The following TRIT1 variants were observed in gnomAD, a reference collection of about 807,000 sequenced individuals.
TRIT1 encodes the protein tRNA isopentenyltransferase 1.
TRIT1 carries 43 observed loss-of-function variants against 51.2 expected under a neutral mutation model. The observed-to-expected ratio is 0.84, with a 90% CI of 0.66 to 1.08. The LOEUF (loss-of-function observed/expected upper bound fraction) is 1.08, where lower values mean the gene tolerates loss of function less well. TRIT1 is among the 50% of genes least tolerant of loss of function. The pLI is 0.00. For missense variants in TRIT1, 528 were observed against 578.4 expected, an observed-to-expected ratio of 0.91 and a Z score of 0.89; for synonymous variants, 184 against 203.9, an observed-to-expected ratio of 0.90 and a Z score of 0.83.
intron 1 of TRIT1, among the ~76,000 whole-genome samples, chr1:39,868,400 T>G (rs1432300599): frequency 1.3e-5 from 2 of 152,050 alleles, no homozygotes; most frequent in Non-Finnish European, 2.9e-5. Context: ...CCCTGTACTT[T>G]GGGAGGCTGA....
chr1:39,877,650 G>T (rs1048599473), intron 1 of TRIT1, among the ~76,000 whole-genome samples: 6 of 152,118 alleles, frequency 3.9e-5, no homozygotes, highest in African/African-American at 1.4e-4. Context: ...AATTTTCTCA[G>T]TACAATGTTT....
At chr1:39,855,510 T>C (rs61779837) in intron 2 of TRIT1, among the ~76,000 whole-genome samples, 24,766 of 152,232 alleles carry the variant, frequency 0.16, 2,265 homozygotes, top group Non-Finnish European at 0.22. Context: ...TTATTTGCAT[T>C]ATACTTACTG....
intron 1 of TRIT1, among the ~76,000 whole-genome samples, chr1:39,870,513 T>TAAAAAAA (rs60334518): frequency 2.4e-3 from 188 of 78,736 alleles, no homozygotes; most frequent in East Asian, 3.4e-3. Flanking sequence ...CAATAAATAC[T>TAAAAAAA]AAAAAAAAAA....
rs1200767574 is a variant in TRIT1, at chr1:39,841,115, C to T, written c.*629G>A. ...ATAGATTTGTAACTCAATAGAAAGACAGCAGTGATAATAACTCACACATGA... is the reference window on the plus strand; with the variant it reads ...ATAGATTTGTAACTCAATAGAAAGATAGCAGTGATAATAACTCACACATGA... On this transcript the variant is annotated 3_prime_UTR_variant, in exon 11 of 11. Coordinates refer to ENST00000316891, the MANE Select transcript of TRIT1 (RefSeq NM_017646.6). The T allele has an allele frequency of 6.6e-6, 1 of 152,190 alleles. No homozygotes were observed. The highest frequency in any genetic ancestry group is 1.5e-5 in the Non-Finnish European group (1 of 68,034). The allele number at this position is 152,190 out of a possible 1,614,324, so 9.4% of individuals were successfully genotyped here.
intron 1 of TRIT1, among the ~76,000 whole-genome samples, chr1:39,859,173 T>C (rs557846835): frequency 7.0e-6 from 1 of 142,028 alleles, no homozygotes; most frequent in Non-Finnish European, 1.5e-5. Flanking sequence ...GGAGAATCGC[T>C]TGAACCCAGG....
chr1:39,877,517 T>G (rs2124686050), intron 1 of TRIT1, among the ~76,000 whole-genome samples: 1 of 152,248 alleles, frequency 6.6e-6, no homozygotes, highest in African/African-American at 2.4e-5. Context: ...CTTGAAAAAC[T>G]GAGGCATTAG....
In TRIT1 at chr1:39,852,732, T is replaced by C; in HGVS notation, c.559A>G (p.Arg187Gly). 1.2e-6 allele frequency: 2 copies of C among 1,613,604 alleles called. No individual in the cohort carries two copies. The highest frequency in any genetic ancestry group is 8.5e-7 in the Non-Finnish European group (1 of 1,179,778). The change falls in exon 4 of 11, where the codon AGG (arginine) becomes GGG (glycine). Residue 187 changes from arginine to glycine, a missense_variant and splice_region_variant. Physicochemically the swap from Arg to Gly is moderately radical, Grantham distance 125. Transcript: ENST00000316891. ...GGTCAGCGCGCCAGGCTTTCTTACC[T>C]GGCCACTTTGCGTTTGTCATGTGGA... is the stretch of plus-strand genomic sequence containing the variant. ...LHPHDKRKVARSLQVFEETGI... is the reference protein window; with the variant it reads ...LHPHDKRKVAGSLQVFEETGI...
intron 1 of TRIT1, among the ~76,000 whole-genome samples, chr1:39,863,805 G>T (rs1179053290): frequency 6.7e-6 from 1 of 149,472 alleles, no homozygotes; most frequent in Non-Finnish European, 1.5e-5. Flanking sequence ...AACAACAAAA[G>T]ATATGGAAAA....
chr1:39,881,467 A>G (rs1207930035), intron 1 of TRIT1: 7 of 151,994 alleles, frequency 4.6e-5, no homozygotes, highest in Non-Finnish European at 7.4e-5. Context: ...CTCACATTCC[A>G]TATCTGCAAT....
chr1:39,854,013 T>C lies in TRIT1; in HGVS notation c.371A>G (p.Tyr124Cys), dbSNP rs1389325740. ...KIPIVVGGTN[Y>C]YIESLLWKVL... ...TTTCCAGAGCAGAGATTCAATGTAATAATTGGTTCCTCCCACAACAATAGG... is the reference window on the plus strand; with the variant it reads ...TTTCCAGAGCAGAGATTCAATGTAACAATTGGTTCCTCCCACAACAATAGG... Residue 124 changes from tyrosine to cysteine, a missense_variant, in exon 3 of 11, where the codon TAT (tyrosine) becomes TGT (cysteine). By Grantham distance (194) the Tyr-to-Cys change is radical. Around this residue, in one of 3 missense-constraint regions of TRIT1, gnomAD observed 468 missense variants for 522.6 expected, o/e 0.90. Transcript: ENST00000316891. 5 of 1,613,532 alleles carry C rather than the reference T, an allele frequency of 3.1e-6. No homozygotes were observed. Among genetic ancestry groups the C allele is most frequent in the Non-Finnish European group, 4.2e-6 (5 of 1,179,880 alleles).
intron 2 of TRIT1, among the ~76,000 whole-genome samples, chr1:39,856,026 G>T (rs947456040): frequency 3.9e-5 from 6 of 151,982 alleles, no homozygotes; most frequent in Admixed American, 6.6e-5. Context: ...AAATAAAATA[G>T]CCGGGCATGG....
intron 1 of TRIT1, among the ~76,000 whole-genome samples, chr1:39,881,183 G>A (rs1354254626): frequency 3.4e-5 from 5 of 146,332 alleles, no homozygotes; most frequent in African/African-American, 1.0e-4. Context: ...CCAAGATCGC[G>A]CCACTGCACT....
At chr1:39,851,864 C>T (rs1371077197) in intron 4 of TRIT1, among the ~76,000 whole-genome samples, 2 of 151,168 alleles carry the variant, frequency 1.3e-5, no homozygotes, top group Admixed American at 6.6e-5. Flanking sequence ...AGGAGGACAT[C>T]TGAGCCCAGG....
At chr1:39,842,333 TG>T (rs1420610272) in intron 10 of TRIT1, among the ~76,000 whole-genome samples, 1 of 152,232 alleles carries the variant, frequency 6.6e-6, no homozygotes, top group Non-Finnish European at 1.5e-5. Flanking sequence ...CTCTGTAGTA[TG>T]GGGCTTCCTG....
At chr1:39,842,010 T>C in intron 10 of TRIT1, 97 bp from the exon 11 acceptor site, 1 of 1,317,832 alleles carries the variant, frequency 7.6e-7, no homozygotes, top group Non-Finnish European at 1.0e-6. Context: ...TACAATGCTT[T>C]TCTTCAACAA....
At chr1:39,864,171 C>A (rs1340011747) in intron 1 of TRIT1, among the ~76,000 whole-genome samples, 1 of 150,304 alleles carries the variant, frequency 6.7e-6, no homozygotes, top group Non-Finnish European at 1.5e-5. Context: ...CAGGTATGAG[C>A]CACTGCACCC....
Position 39,862,737 on chromosome 1 carries a change from G to A in TRIT1, c.175-5320C>T, listed in dbSNP as rs142973859. Reference sequence around the variant, plus strand: ...AATCAGGCTTATTATTTTATTACCAGCCTAGAAAACATTCACATGTGAGAT... The same window carrying A: ...AATCAGGCTTATTATTTTATTACCAACCTAGAAAACATTCACATGTGAGAT... On this transcript the variant is annotated intron_variant, in intron 1 of 10. Transcript: ENST00000316891. The A allele has an allele frequency of 2.4e-4, 240 of 980,796 alleles. 1 individual carries two copies. In the African/African-American group the frequency reaches 3.9e-3, roughly 16 times the overall value. The allele number at this position is 980,796 out of a possible 1,614,324, so 60.8% of individuals were successfully genotyped here. A position where few individuals can be genotyped will look rare whatever the true frequency, so the allele number is the denominator to read the frequency against.
intron 1 of TRIT1, among the ~76,000 whole-genome samples, chr1:39,863,345 G>A (rs1273810854): frequency 6.6e-6 from 1 of 152,026 alleles, no homozygotes; most frequent in African/African-American, 2.4e-5. Context: ...CGTGCCTCCC[G>A]GCTACTTGGG....
chr1:39,852,239 C>T (rs566727891), intron 4 of TRIT1, among the ~76,000 whole-genome samples: 10 of 152,224 alleles, frequency 6.6e-5, no homozygotes, highest in African/African-American at 2.4e-4. Flanking sequence ...CCTAAAAAAA[C>T]ATGACCTTGT....
Sources: gnomAD v4.1 joint callset for allele counts (sites outside exome capture counted in the v4.1 genomes callset) on GRCh38, gnomAD v4.1.1 for gene constraint, gnomAD v4.1.1 regional missense constraint, MANE v1.5 for transcripts, NCBI Gene and HGNC (gene_info 2026-07-23, HGNC 2026-07-21) for gene names.